MILR1: variants seen among roughly 807,000 people sequenced by gnomAD.
MILR1 encodes the protein mast cell immunoglobulin like receptor 1, also known as allergin-1.
In MILR1, 31 loss-of-function variants were observed where a neutral mutation model predicts 18.5. That is an observed-to-expected ratio of 1.68 (90% confidence interval 1.26 to 2.26). The LOEUF is 2.26. MILR1 is among the 30% of genes most tolerant of loss of function. The pLI is 0.00. For synonymous variants in MILR1, 85 were observed against 56.2 expected (o/e 1.51, Z -2.30); for missense variants, 257 against 157.4 (o/e 1.63, Z -3.38).
chr17:64,496,531 C>A, the MILR1 span: 1 of 1,613,784 alleles, frequency 6.2e-7, no homozygotes, highest in African/African-American at 1.3e-5. Flanking sequence ...CAGAAACTAA[C>A]CTGAAGGCAC....
chr17:64,469,729 G>A (rs782004414), downstream of MILR1, among the ~76,000 whole-genome samples: 1 of 151,946 alleles, frequency 6.6e-6, no homozygotes, highest in Non-Finnish European at 1.5e-5. Context: ...TTATATCCAC[G>A]CTCACCACCT....
the MILR1 span, chr17:64,497,008 A>G: frequency 1.9e-6 from 3 of 1,558,492 alleles, no homozygotes; most frequent in African/African-American, 2.7e-5. Flanking sequence ...CCATCACTCA[A>G]CGGATCCCAA....
the MILR1 span, among the ~76,000 whole-genome samples, chr17:64,477,080 C>A: frequency 1.3e-5 from 2 of 152,004 alleles, no homozygotes; most frequent in East Asian, 1.9e-4. Context: ...TTCAAAAATC[C>A]GTAAATACTC....
chr17:64,493,630 G>A, the MILR1 span, among the ~76,000 whole-genome samples: 1 of 151,768 alleles, frequency 6.6e-6, no homozygotes, highest in Non-Finnish European at 1.5e-5. Context: ...GACTACAGGC[G>A]CCCGCCACCA....
At chr17:64,492,768 C>T in the MILR1 span, 397 of 1,608,822 alleles carry the variant, frequency 2.5e-4, 5 homozygotes, top group South Asian at 2.5e-3. Flanking sequence ...GTCTTCTCAC[C>T]AATACTTTAG....
At chr17:64,476,156 A>C in the MILR1 span, among the ~76,000 whole-genome samples, 7 of 152,194 alleles carry the variant, frequency 4.6e-5, no homozygotes, top group African/African-American at 1.7e-4. Flanking sequence ...TGTTTTAAAC[A>C]GGAGAATTAT....
downstream of MILR1, among the ~76,000 whole-genome samples, chr17:64,472,587 A>G (rs782128931): frequency 4.1e-5 from 6 of 146,266 alleles, no homozygotes; most frequent in East Asian, 7.7e-4. Context: ...CCAAAAAACT[A>G]TAATACCGTG....
chr17:64,492,734 G>T, the MILR1 span: 1 of 1,613,222 alleles, frequency 6.2e-7, no homozygotes, highest in Non-Finnish European at 8.5e-7. Flanking sequence ...TCTCGGAGGA[G>T]TAAACCATAC....
chr17:64,491,676 G>A, the MILR1 span: 26 of 1,225,840 alleles, frequency 2.1e-5, no homozygotes, highest in South Asian at 9.6e-5. Context: ...GTACATCAAC[G>A]TGAAGAAGGG....
At chr17:64,482,562 C>T in the MILR1 span, among the ~76,000 whole-genome samples, 3 of 152,192 alleles carry the variant, frequency 2.0e-5, no homozygotes, top group African/African-American at 7.2e-5. Context: ...TCGTGATCCA[C>T]CCGCTTTGGC....
rs1395413273 is a variant in MILR1 at position 64,457,447 on chromosome 17, A to G, written c.415A>G (p.Thr139Ala). The G allele has an allele frequency of 2.1e-5, 10 of 475,410 alleles. No homozygotes were observed. The Admixed American group carries it at 2.8e-4, about 13-fold the overall frequency. 29.4% of individuals were successfully genotyped at this position (475,410 alleles called of 1,614,324 possible). A position where few individuals can be genotyped will look rare whatever the true frequency, so the allele number is the denominator to read the frequency against. Reference protein sequence around the residue: ...VLNIMVIQTETDRHITLHCLS... With the variant: ...VLNIMVIQTEADRHITLHCLS... ...GAACATTATGGTCATTCAAACAGAAACAGACCGACATATAACATTACATTG... is the reference window on the plus strand; with the variant it reads ...GAACATTATGGTCATTCAAACAGAAGCAGACCGACATATAACATTACATTG... The change falls in exon 4 of 10, where the codon ACA becomes GCA. Residue 139 changes from threonine (T) to alanine (A), a missense_variant. Coordinates refer to ENST00000619286, the MANE Select transcript of MILR1 (RefSeq NM_001085423.2).
Position 64,460,948 on chromosome 17 carries a change from C to A in MILR1, c.763+16C>A. ...TACAAAACAAGTAAGTTCTTTTAGTCGCTTTACCACCCGTTTTCCCGTGGG... is the reference window on the plus strand; with the variant it reads ...TACAAAACAAGTAAGTTCTTTTAGTAGCTTTACCACCCGTTTTCCCGTGGG... On this transcript the variant is annotated intron_variant, in intron 5 of 9. Coordinates refer to ENST00000619286, the MANE Select transcript of MILR1 (RefSeq NM_001085423.2). The A allele has an allele frequency of 4.2e-6, 2 of 473,064 alleles. No homozygotes were observed. The highest frequency in any genetic ancestry group is 1.4e-4 in the South Asian group (2 of 14,718). The allele number at this position is 473,064 out of a possible 1,614,324, so 29.3% of individuals were successfully genotyped here.
chr17:64,468,496 C>A lies in MILR1; in HGVS notation c.*215C>A. 1 of 454,022 alleles carries A rather than the reference C, an allele frequency of 2.2e-6. No homozygotes were observed. The highest frequency in any genetic ancestry group is 3.6e-6 in the Non-Finnish European group (1 of 274,936). 28.1% of individuals were successfully genotyped at this position (454,022 alleles called of 1,614,324 possible). On this transcript the variant is annotated 3_prime_UTR_variant, in exon 10 of 10. Coordinates refer to ENST00000619286, the MANE Select transcript of MILR1 (RefSeq NM_001085423.2). ...TAGAGATGGGGTTTCACTATGGTGG[C>A]CAGGCTGGTCTTGAACTCCTGACCT...
chr17:64,470,744 C>T (rs1256782141), downstream of MILR1, among the ~76,000 whole-genome samples: 1 of 152,200 alleles, frequency 6.6e-6, no homozygotes, highest in Non-Finnish European at 1.5e-5. Flanking sequence ...TTCCAGCTGG[C>T]TGTGATAAAT....
chr17:64,450,566 G>T (rs997214835), intron 2 of MILR1, among the ~76,000 whole-genome samples: 1 of 146,124 alleles, frequency 6.8e-6, no homozygotes, highest in Non-Finnish European at 1.5e-5. Context: ...TGCAACCTCC[G>T]CCTCCTGGGT....
At position 64,465,473 on chromosome 17, in the gene MILR1, T is replaced by G. The variant is rs1555662917; in HGVS notation, c.785T>G (p.Val262Gly). The G allele has an allele frequency of 1.2e-6, 2 of 1,609,510 alleles. No individual in the cohort carries two copies. The highest frequency in any genetic ancestry group is 2.2e-5 in the East Asian group (1 of 44,822). Residue 262 changes from valine to glycine, a missense_variant, in exon 6 of 10, where the codon GTG becomes GGG. By Grantham distance (109) the Val-to-Gly change is moderately radical. Transcript: ENST00000619286. ...GTAGGAAAAGCTATGAGAAATAATG[T>G]GCCCAGGGACCGTGGAGACACAGCC... Reference protein sequence around the residue: ...YKTRKAMRNNVPRDRGDTAME... With the variant: ...YKTRKAMRNNGPRDRGDTAME...
At chr17:64,484,050 T>G in the MILR1 span, 1 of 152,314 alleles carries the variant, frequency 6.6e-6, no homozygotes, top group Admixed American at 6.5e-5. Flanking sequence ...CAACAAACAT[T>G]TTAATGCCTC....
chr17:64,496,506 C>T, the MILR1 span: 2 of 1,613,238 alleles, frequency 1.2e-6, no homozygotes, highest in South Asian at 2.2e-5. Flanking sequence ...TGCAAGATTT[C>T]GCGTAGAGTT....
chr17:64,491,509 C>T, the MILR1 span: 1 of 1,495,484 alleles, frequency 6.7e-7, no homozygotes, highest in African/African-American at 1.4e-5. Context: ...GACTATGTCT[C>T]TAAAAAAACC....
Sources: allele counts gnomAD v4.1 joint callset (sites outside exome capture counted in the v4.1 genomes callset), GRCh38; gene constraint gnomAD v4.1.1; transcripts MANE v1.5; gene names NCBI Gene and HGNC (gene_info 2026-07-23, HGNC 2026-07-21).